The following RASA2 variants were observed in gnomAD, a reference collection of about 807,000 sequenced individuals.
The protein encoded by RASA2 is ras GTPase-activating protein 2.
In RASA2, 155 loss-of-function variants were observed where a neutral mutation model predicts 118.2. The observed-to-expected ratio is 1.31, with a 90% CI of 1.15 to 1.50. RASA2 has a LOEUF of 1.50. Among genes scored for constraint, RASA2 ranks in the 40% most tolerant of loss-of-function variants. The probability of loss-of-function intolerance (pLI) is 0.00; values close to 1 mark genes in which losing one functional copy is unlikely to be tolerated. For missense variants in RASA2, 1,016 were observed against 1,009.6 expected, an observed-to-expected ratio of 1.01 and a Z score of -0.09; for synonymous variants, 353 against 349.1, an observed-to-expected ratio of 1.01 and a Z score of -0.12.
intron 3 of RASA2, among the ~76,000 whole-genome samples, chr3:141,524,771 A>G (rs571570635): frequency 3.3e-5 from 5 of 152,066 alleles, no homozygotes; most frequent in African/African-American, 4.8e-5. Context: ...TTTGTATTTT[A>G]GTAGAGATGG....
rs978947458 is a variant in RASA2 at position 141,614,440 on chromosome 3, G to C, written c.*2127G>C. 16 of 152,118 alleles carry C rather than the reference G, an allele frequency of 1.1e-4. No homozygotes were observed. Among genetic ancestry groups the C allele is most frequent in the African/African-American group, 3.9e-4 (16 of 41,442 alleles). 9.4% of individuals were successfully genotyped at this position (152,118 alleles called of 1,614,324 possible). On this transcript the variant is annotated 3_prime_UTR_variant, in exon 24 of 24. Transcript: ENST00000286364. The stretch of plus-strand genomic sequence containing the variant: ...GTAAGTAGGACCCTAAGACAACCAA[G>C]GAATTTGCTTCCAGGGCCCTCATTC...
Position 141,577,105 on chromosome 3 carries a change from C to T in RASA2, c.1589C>T (p.Pro530Leu), listed in dbSNP as rs1184290599. 6.4e-7 allele frequency: 1 copy of T among 1,568,462 alleles called. No individual in the cohort carries two copies. Among genetic ancestry groups the T allele is most frequent in the East Asian group, 2.3e-5 (1 of 44,334 alleles). Residue 530 changes from proline to leucine, a missense_variant and splice_region_variant, in exon 15 of 24, where the codon CCA becomes CTA. Physicochemically the swap from Pro to Leu is moderately conservative, Grantham distance 98 (BLOSUM62 -3). Coordinates refer to ENST00000286364, the MANE Select transcript of RASA2 (RefSeq NM_006506.5). ...ACTTTTCATTTGCGACCTCATCATC[C>T]AGTAAGTGTTCATTCTTCTGAAAGC... Reference protein sequence around the residue: ...PHTFHLRPHHPDAQTIRTLTL... With the variant: ...PHTFHLRPHHLDAQTIRTLTL...
chr3:141,584,420 A>G (rs987870164), intron 17 of RASA2, among the ~76,000 whole-genome samples: 2 of 151,952 alleles, frequency 1.3e-5, no homozygotes, highest in African/African-American at 2.4e-5. Flanking sequence ...ACAGCCAAAT[A>G]CTAAAAAGCC....
rs796545178 is a variant in RASA2, at chr3:141,520,003, CTTTTTCTCTTTTTTTTTTTTTTTTTTTT to C, written c.355+3573_355+3600del. On this transcript the variant is annotated intron_variant, in intron 3 of 23. Transcript: ENST00000286364. ...AAGAAGAACAATTTCTTTTCTTTTT[CTTTTTCTCTTTTTTTTTTTTTTTTTTTT>C]GAGATGGAGTCTTGCTCTGTTGCCC... Among the ~76,000 whole-genome samples the C allele has an allele frequency of 9.4e-4, 125 of 132,336 alleles. 3 individuals are homozygous for C. The highest frequency in any genetic ancestry group is 3.3e-3 in the African/African-American group (119 of 36,062). 86.8% of individuals were successfully genotyped at this position (132,336 alleles called of 152,430 possible). A position where few individuals can be genotyped will look rare whatever the true frequency, so the allele number is the denominator to read the frequency against.
intron 3 of RASA2, among the ~76,000 whole-genome samples, chr3:141,528,171 TAC>T (rs549555790): frequency 7.4e-4 from 113 of 152,090 alleles, no homozygotes; most frequent in African/African-American, 2.6e-3. Flanking sequence ...ATTTTTTTAA[TAC>T]AGTTACAAAC....
At position 141,575,594 on chromosome 3, in the gene RASA2, C is replaced by T. The variant is rs188752167; in HGVS notation, c.1484-1406C>T. On this transcript the variant is annotated intron_variant, in intron 14 of 23. Transcript: ENST00000286364. ...GGTGAGAAACTAAGGTTTAGAGAAG[C>T]TGAGTAACTTTACCAAGGTCTGTGG... Among the ~76,000 whole-genome samples, 306 of 152,294 alleles carry T rather than the reference C, an allele frequency of 2.0e-3. 3 individuals carry two copies. The highest frequency in any genetic ancestry group is 6.9e-3 in the African/African-American group (287 of 41,564).
chr3:141,545,954 G>A (rs2082479478), intron 5 of RASA2, among the ~76,000 whole-genome samples: 1 of 152,112 alleles, frequency 6.6e-6, no homozygotes, highest in Non-Finnish European at 1.5e-5. Context: ...GACCATACGA[G>A]GTTTGTCTTT....
chr3:141,538,043 A>G (rs938168447), intron 4 of RASA2, among the ~76,000 whole-genome samples: 1 of 151,836 alleles, frequency 6.6e-6, no homozygotes, highest in Non-Finnish European at 1.5e-5. Flanking sequence ...CCCTGATCTC[A>G]AGGGAGGCTA....
At chr3:141,506,579 C>A (rs370051110) in intron 1 of RASA2, among the ~76,000 whole-genome samples, 6 of 152,086 alleles carry the variant, frequency 3.9e-5, no homozygotes, top group African/African-American at 1.4e-4. Context: ...AATAGAGGCA[C>A]CCAAAATGGT....
At chr3:141,510,683 G>T (rs143073533) in intron 1 of RASA2, among the ~76,000 whole-genome samples, 1 of 152,162 alleles carries the variant, frequency 6.6e-6, no homozygotes. Context: ...TAAGGCACTC[G>T]CCATTGAAGA....
chr3:141,598,608 C>A (rs2083412435), intron 19 of RASA2, among the ~76,000 whole-genome samples: 1 of 152,086 alleles, frequency 6.6e-6, no homozygotes, highest in Non-Finnish European at 1.5e-5. Flanking sequence ...CTGAAGAATC[C>A]TCAGAACAGC....
intron 19 of RASA2, chr3:141,589,996 A>G (rs2083263818): frequency 2.5e-6 from 1 of 398,118 alleles, no homozygotes; most frequent in South Asian, 1.9e-5. Context: ...TTGGAATGAC[A>G]TTGGAGGAAT....
At chr3:141,503,707 G>A (rs927183673) in intron 1 of RASA2, among the ~76,000 whole-genome samples, 2 of 151,894 alleles carry the variant, frequency 1.3e-5, no homozygotes, top group African/African-American at 4.8e-5. Flanking sequence ...ATTTGTTGTC[G>A]ATCTCTCCAT....
At chr3:141,573,107 A>T in intron 12 of RASA2, 40 bp from the exon 13 acceptor site, 1 of 1,476,426 alleles carries the variant, frequency 6.8e-7, no homozygotes, top group Non-Finnish European at 9.1e-7. Flanking sequence ...TTGTCAGACT[A>T]CTTAGAAAAA....
At chr3:141,547,376 G>A (rs372879678) in intron 5 of RASA2, among the ~76,000 whole-genome samples, 10 of 152,100 alleles carry the variant, frequency 6.6e-5, no homozygotes, top group African/African-American at 2.4e-4. Context: ...TCAATTTCCT[G>A]CATCAGTGTT....
At chr3:141,537,288 C>A (rs2082341787) in intron 4 of RASA2, among the ~76,000 whole-genome samples, 1 of 151,982 alleles carries the variant, frequency 6.6e-6, no homozygotes, top group Non-Finnish European at 1.5e-5. Context: ...CCTCTCTGTG[C>A]TTCATTGTGG....
chr3:141,520,658 GCA>G (rs941966468), intron 3 of RASA2, among the ~76,000 whole-genome samples: 1 of 143,640 alleles, frequency 7.0e-6, no homozygotes, highest in Admixed American at 6.8e-5. Context: ...ATATATATAT[GCA>G]CACACATATA....
chr3:141,586,510 G>A, intron 18 of RASA2, 136 bp from the exon 19 acceptor site: 1 of 570,180 alleles, frequency 1.8e-6, no homozygotes, highest in South Asian at 2.9e-5. Context: ...AACAGTCATG[G>A]ATAGCAAAAA....
At chr3:141,547,556 G>A (rs2082504065) in intron 5 of RASA2, among the ~76,000 whole-genome samples, 1 of 152,154 alleles carries the variant, frequency 6.6e-6, no homozygotes, top group African/African-American at 2.4e-5. Flanking sequence ...TTTGAATCCT[G>A]CCACTTTACT....
Sources: allele counts gnomAD v4.1 joint callset (sites outside exome capture counted in the v4.1 genomes callset), GRCh38; gene constraint gnomAD v4.1.1; transcripts MANE v1.5; gene names NCBI Gene and HGNC (gene_info 2026-07-23, HGNC 2026-07-21).